The following PGPEP1L variants were observed in gnomAD, a reference collection of about 807,000 sequenced individuals.
PGPEP1L encodes pyroglutamyl-peptidase 1-like protein.
In PGPEP1L, 7 loss-of-function variants were observed where a neutral mutation model predicts 6.0. The observed-to-expected ratio is 1.17, with a 90% CI of 0.66 to 2.19. PGPEP1L has a LOEUF of 2.19. PGPEP1L is among the 30% of genes most tolerant of loss of function. The probability of loss-of-function intolerance (pLI) is 0.00; values close to 1 mark genes in which losing one functional copy is unlikely to be tolerated. For missense variants in PGPEP1L, 209 were observed against 192.5 expected, an observed-to-expected ratio of 1.09 and a Z score of -0.51; for synonymous variants, 103 against 83.9, an observed-to-expected ratio of 1.23 and a Z score of -1.24.
intron 2 of PGPEP1L, among the ~76,000 whole-genome samples, chr15:98,997,153 C>T (rs1555472578): frequency 3.3e-5 from 5 of 152,182 alleles, no homozygotes. Context: ...CCTGCAGACA[C>T]ACAGGAGCCC....
At position 98,969,568 on chromosome 15, in the gene PGPEP1L, G is replaced by T; in HGVS notation, c.66C>A (p.Ala22=). 6.2e-7 allele frequency: 1 copy of T among 1,613,898 alleles called. No individual in the cohort carries two copies. Among genetic ancestry groups the T allele is most frequent in the Non-Finnish European group, 8.5e-7 (1 of 1,179,890 alleles). The part of the protein sequence containing the change: ...QSGKNQGYRD[A]DIRSFWPEGG... Reference sequence around the variant, plus strand: ...CCTCGGGCCAGAAGCTGCGGATGTCGGCGTCCCGGTAGCCTTGGTTCTTGC... The same window carrying T: ...CCTCGGGCCAGAAGCTGCGGATGTCTGCGTCCCGGTAGCCTTGGTTCTTGC... Residue 22 remains alanine (A), a synonymous_variant, in exon 4 of 5, where the codon GCC becomes GCA. Coordinates refer to ENST00000535714, the MANE Select transcript of PGPEP1L (RefSeq NM_001167902.2).
At chr15:98,980,916 CAG>C (rs1007079364) in intron 2 of PGPEP1L, among the ~76,000 whole-genome samples, 2 of 146,020 alleles carry the variant, frequency 1.4e-5, no homozygotes, top group Non-Finnish European at 3.0e-5. Flanking sequence ...CTCAGTGACA[CAG>C]AGAGACTCCA....
At position 99,004,906 on chromosome 15, in the gene PGPEP1L, G is replaced by A. The variant is rs544100010; in HGVS notation, c.-142+523C>T. ...CAGGGTCTCCAGCTAGTGGCTCTCG[G>A]GGGGTGCTTCACAGCTCCCTGAAAA... On this transcript the variant is annotated intron_variant, in intron 2 of 4. Coordinates refer to ENST00000535714, the MANE Select transcript of PGPEP1L (RefSeq NM_001167902.2). Among the ~76,000 whole-genome samples the A allele has an allele frequency of 4.8e-4, 73 of 151,948 alleles. 1 individual carries two copies. In the South Asian group the frequency reaches 0.012, roughly 24 times the overall value.
chr15:98,992,174 T>C (rs1282502326), intron 2 of PGPEP1L, among the ~76,000 whole-genome samples: 4 of 152,200 alleles, frequency 2.6e-5, no homozygotes, highest in Non-Finnish European at 5.9e-5. Context: ...TGTTTGCAGA[T>C]GAAATGATTG....
intron 2 of PGPEP1L, among the ~76,000 whole-genome samples, chr15:98,984,047 C>T (rs563572923): frequency 1.5e-5 from 2 of 132,404 alleles, no homozygotes; most frequent in African/African-American, 5.7e-5. Context: ...TTTTGAGTCT[C>T]ACTCTGTCGC....
chr15:98,992,770 CG>C, intron 2 of PGPEP1L, among the ~76,000 whole-genome samples: 1 of 152,204 alleles, frequency 6.6e-6, no homozygotes, highest in Non-Finnish European at 1.5e-5. Flanking sequence ...TGGAACAGAA[CG>C]GAGGCCTCAG....
intron 1 of PGPEP1L, among the ~76,000 whole-genome samples, 185 bp downstream of exon 1, chr15:99,007,174 C>G (rs1741429046): frequency 6.6e-6 from 1 of 152,200 alleles, no homozygotes. Flanking sequence ...CCATTTGCTC[C>G]CACTAGTCTC....
At position 98,971,194 on chromosome 15, in the gene PGPEP1L, TG is replaced by T. The variant is rs57036063; in HGVS notation, c.-141-37del. 2.2e-3 allele frequency: 1,266 copies of T among 585,446 alleles called. 11 individuals are homozygous for T. Among genetic ancestry groups the T allele is most frequent in the African/African-American group, 0.013 (327 of 24,476 alleles). The allele number at this position is 585,446 out of a possible 1,614,324, so 36.3% of individuals were successfully genotyped here. ...CGGCAGGTGGACTTGCCTCAGTTGA[TG>T]GGGGGGGGGGGGGGGTGGGCACCAA... On this transcript the variant is annotated intron_variant, in intron 2 of 4. Transcript: ENST00000535714.
At chr15:98,971,193 A>G (rs748283202) in intron 2 of PGPEP1L, 35 bp from the exon 3 acceptor site, 6 of 400,386 alleles carry the variant, frequency 1.5e-5, no homozygotes, top group Non-Finnish European at 1.4e-5. Context: ...GCCTCAGTTG[A>G]TGGGGGGGGG....
rs1253770423 is a variant in PGPEP1L, at chr15:99,000,204, CTG to C, written c.-142+5223_-142+5224del. Among the ~76,000 whole-genome samples, 3 of 152,352 alleles carry C rather than the reference CTG, an allele frequency of 2.0e-5. No homozygotes were observed. In the East Asian group the frequency reaches 5.8e-4, roughly 29 times the overall value. ...GGCTTAGCATCTGGGCCAGTAGCTG[CTG>C]TGCTCAACTTCTCGCTGGGCCTTAG... is the stretch of plus-strand genomic sequence containing the variant. On this transcript the variant is annotated intron_variant, in intron 2 of 4. Coordinates refer to ENST00000535714, the MANE Select transcript of PGPEP1L (RefSeq NM_001167902.2).
At chr15:98,990,077 C>T (rs1161524151) in intron 2 of PGPEP1L, among the ~76,000 whole-genome samples, 4 of 152,094 alleles carry the variant, frequency 2.6e-5, no homozygotes, top group Non-Finnish European at 5.9e-5. Flanking sequence ...CATCAACTAA[C>T]GGGCAAAATA....
intron 4 of PGPEP1L, 128 bp from the exon 5 acceptor site, chr15:98,968,825 T>C: frequency 1.2e-6 from 1 of 850,238 alleles, no homozygotes; most frequent in East Asian, 2.7e-5. Context: ...GGGAGACTTG[T>C]GTTGTTTCAC....
At chr15:98,994,715 T>C (rs2017864940) in intron 2 of PGPEP1L, among the ~76,000 whole-genome samples, 1 of 152,232 alleles carries the variant, frequency 6.6e-6, no homozygotes, top group African/African-American at 2.4e-5. Flanking sequence ...TTTTCCTTCC[T>C]TTTGAAGGAC....
rs1377865697 is a variant in PGPEP1L, at chr15:98,989,101, C to T, written c.-142+16328G>A. Among the ~76,000 whole-genome samples the T allele has an allele frequency of 2.0e-5, 3 of 152,284 alleles. No individual in the cohort carries two copies. The South Asian group carries it at 6.2e-4, about 32-fold the overall frequency. On this transcript the variant is annotated intron_variant, in intron 2 of 4. Coordinates refer to ENST00000535714, the MANE Select transcript of PGPEP1L (RefSeq NM_001167902.2). ...CCTCAAAAGGATCACAGCTCCTTGC[C>T]AGCAAGGGAACAAAACTGGATGGAG... is the stretch of plus-strand genomic sequence containing the variant.
chr15:99,004,490 C>T (rs187760809), intron 2 of PGPEP1L, among the ~76,000 whole-genome samples: 3 of 152,138 alleles, frequency 2.0e-5, no homozygotes, highest in Non-Finnish European at 2.9e-5. Flanking sequence ...GAGGCCTAGG[C>T]GGGCAGATCA....
intron 2 of PGPEP1L, among the ~76,000 whole-genome samples, chr15:98,999,333 G>A (rs2017928986): frequency 6.6e-6 from 1 of 152,216 alleles, no homozygotes; most frequent in African/African-American, 2.4e-5. Context: ...ATGAAAAGAT[G>A]TTCAACATCA....
At chr15:98,986,082 C>G (rs968006164) in intron 2 of PGPEP1L, among the ~76,000 whole-genome samples, 4 of 152,164 alleles carry the variant, frequency 2.6e-5, no homozygotes, top group South Asian at 2.1e-4. Context: ...GTTTATGGAC[C>G]ATGTCCTCTC....
At chr15:98,992,006 G>C (rs964413835) in intron 2 of PGPEP1L, among the ~76,000 whole-genome samples, 3 of 152,088 alleles carry the variant, frequency 2.0e-5, no homozygotes, top group Non-Finnish European at 2.9e-5. Flanking sequence ...TACTGAATAG[G>C]CAAAAACTGG....
chr15:98,971,271 G>A (rs2151754002), intron 2 of PGPEP1L, 113 bp from the exon 3 acceptor site: 1 of 1,352,072 alleles, frequency 7.4e-7, no homozygotes, highest in African/African-American at 1.5e-5. Context: ...GTCTTCCGCA[G>A]CCTGGACTTT....
Sources: gnomAD v4.1 joint callset for allele counts (sites outside exome capture counted in the v4.1 genomes callset) on GRCh38, gnomAD v4.1.1 for gene constraint, MANE v1.5 for transcripts, NCBI Gene and HGNC (gene_info 2026-07-23, HGNC 2026-07-21) for gene names.